The following GLIPR1L1 variants were observed in gnomAD, a reference collection of about 807,000 sequenced individuals.
GLIPR1L1 encodes GLIPR1-like protein 1.
A neutral mutation model predicts 29.9 loss-of-function variants in GLIPR1L1; 26 were observed. The ratio of observed to expected loss-of-function variants is 0.87; its 90% confidence interval spans 0.64 to 1.21. GLIPR1L1 has a LOEUF of 1.21. GLIPR1L1 is among the 50% of genes most tolerant of loss of function. The probability of loss-of-function intolerance (pLI) is 0.00; values close to 1 mark genes in which losing one functional copy is unlikely to be tolerated. For synonymous variants in GLIPR1L1, 77 were observed against 97.5 expected, an observed-to-expected ratio of 0.79 and a Z score of 1.24; for missense variants, 305 against 290.3, an observed-to-expected ratio of 1.05 and a Z score of -0.37.
intron 1 of GLIPR1L1, among the ~76,000 whole-genome samples, chr12:75,338,299 A>G (rs562356708): frequency 7.9e-5 from 12 of 152,276 alleles, no homozygotes; most frequent in African/African-American, 2.4e-4. Flanking sequence ...AAAATTAATC[A>G]ACATAATCAG....
At chr12:75,346,995 AC>A (rs2042496263) in intron 2 of GLIPR1L1, among the ~76,000 whole-genome samples, 4 of 151,744 alleles carry the variant, frequency 2.6e-5, no homozygotes, top group African/African-American at 9.7e-5. Flanking sequence ...AATGTTCCTC[AC>A]CTCTTTACCT....
chr12:75,366,912 A>G (rs1419638656), intron 4 of GLIPR1L1: 1 of 701,784 alleles, frequency 1.4e-6, no homozygotes, highest in African/African-American at 1.7e-5. Context: ...TGCATGTCAA[A>G]AGGGGTTAAC....
At chr12:75,337,584 TA>T (rs1273100288) in intron 1 of GLIPR1L1, among the ~76,000 whole-genome samples, 1 of 152,020 alleles carries the variant, frequency 6.6e-6, no homozygotes, top group Non-Finnish European at 1.5e-5. Context: ...TACTAGTGAA[TA>T]AGTGCATAAA....
At chr12:75,369,353 CT>C (rs1176659189) in intron 4 of GLIPR1L1, 1 of 179,330 alleles carries the variant, frequency 5.6e-6, no homozygotes, top group Non-Finnish European at 1.1e-5. Context: ...AGATTTTTCT[CT>C]CCTCATTTTT....
At chr12:75,362,378 T>C (rs776294889) in intron 3 of GLIPR1L1, among the ~76,000 whole-genome samples, 1 of 152,154 alleles carries the variant, frequency 6.6e-6, no homozygotes, top group Non-Finnish European at 1.5e-5. Flanking sequence ...GTGAGGGCCA[T>C]GGTATTCTCA....
At chr12:75,362,051 C>T (rs1395435755) in intron 3 of GLIPR1L1, among the ~76,000 whole-genome samples, 1 of 151,946 alleles carries the variant, frequency 6.6e-6, no homozygotes, top group African/African-American at 2.4e-5. Context: ...AACTACTATT[C>T]AAAGACACTG....
At chr12:75,345,252 A>G (rs1228602464) in intron 2 of GLIPR1L1, among the ~76,000 whole-genome samples, 1 of 152,106 alleles carries the variant, frequency 6.6e-6, no homozygotes, top group Non-Finnish European at 1.5e-5. Flanking sequence ...CAGGACAATT[A>G]TACAGTTTCT....
intron 4 of GLIPR1L1, among the ~76,000 whole-genome samples, chr12:75,364,000 CG>C (rs2043796338): frequency 6.6e-6 from 1 of 152,092 alleles, no homozygotes; most frequent in African/African-American, 2.4e-5. Flanking sequence ...TAAAGGCTTA[CG>C]ATCAATAGAA....
intron 3 of GLIPR1L1, among the ~76,000 whole-genome samples, chr12:75,348,405 T>C (rs1438457363): frequency 1.3e-5 from 2 of 152,228 alleles, no homozygotes; most frequent in East Asian, 3.8e-4. Context: ...TGTATATATC[T>C]CTCTGTATTT....
chr12:75,334,788 T>G lies in GLIPR1L1; in HGVS notation c.60T>G (p.Thr20=). 6.2e-7 allele frequency: 1 copy of G among 1,614,066 alleles called. No homozygotes were observed. Among genetic ancestry groups the G allele is most frequent in the Non-Finnish European group, 8.5e-7 (1 of 1,179,942 alleles). The stretch of plus-strand genomic sequence containing the variant: ...TCTTGGGTCTGTGTTTGGTAGCCAC[T>G]ACATCTTCCAAAATCCCATCCATCA... The part of the protein sequence containing the change: ...LWILGLCLVA[T]TSSKIPSITD... The change falls in exon 1 of 6, where the codon ACT becomes ACG. Residue 20 remains threonine, a synonymous_variant. Coordinates refer to ENST00000378695, the MANE Select transcript of GLIPR1L1 (RefSeq NM_001304964.2).
intron 4 of GLIPR1L1, among the ~76,000 whole-genome samples, chr12:75,363,853 C>T (rs565986709): frequency 6.6e-6 from 1 of 152,200 alleles, no homozygotes; most frequent in East Asian, 1.9e-4. Context: ...GAGACTAAGA[C>T]ATCAATCAAT....
At chr12:75,352,461 AATAT>A (rs2042879708) in intron 3 of GLIPR1L1, among the ~76,000 whole-genome samples, 1 of 152,370 alleles carries the variant, frequency 6.6e-6, no homozygotes, top group South Asian at 2.1e-4. Context: ...AACTGTCCTA[AATAT>A]ATATGCACCC....
intron 3 of GLIPR1L1, among the ~76,000 whole-genome samples, chr12:75,356,290 A>G (rs1456137670): frequency 6.6e-6 from 1 of 152,222 alleles, no homozygotes; most frequent in Non-Finnish European, 1.5e-5. Flanking sequence ...TTTTAAAAAT[A>G]AACATTAAAT....
Position 75,366,959 on chromosome 12 carries a change from G to A in GLIPR1L1, c.611-3001G>A, listed in dbSNP as rs756997907. 4.3e-6 allele frequency: 3 copies of A among 701,742 alleles called. No homozygotes were observed. In the South Asian group the frequency reaches 4.4e-5, roughly 10 times the overall value. The allele number at this position is 701,742 out of a possible 1,614,324, so 43.5% of individuals were successfully genotyped here. A position where few individuals can be genotyped will look rare whatever the true frequency, so the allele number is the denominator to read the frequency against. On this transcript the variant is annotated intron_variant, in intron 4 of 5. Coordinates refer to ENST00000378695, the MANE Select transcript of GLIPR1L1 (RefSeq NM_001304964.2). ...TCCCACTCAGTCCCCAGTCACCCAAGGGGCAGCTTGCAGCTTGCAGTAACA... is the reference window on the plus strand; with the variant it reads ...TCCCACTCAGTCCCCAGTCACCCAAAGGGCAGCTTGCAGCTTGCAGTAACA...
intron 1 of GLIPR1L1, among the ~76,000 whole-genome samples, chr12:75,336,446 A>G (rs1462095478): frequency 1.3e-5 from 2 of 151,834 alleles, no homozygotes; most frequent in Non-Finnish European, 3.0e-5. Context: ...TATCACAAAT[A>G]GATTAAAGTA....
chr12:75,341,314 G>C (rs1452687762), intron 1 of GLIPR1L1, among the ~76,000 whole-genome samples: 1 of 152,126 alleles, frequency 6.6e-6, no homozygotes, highest in Non-Finnish European at 1.5e-5. Flanking sequence ...ATATGACTTG[G>C]TCACTAAATG....
At chr12:75,340,882 C>T (rs1298881747) in intron 1 of GLIPR1L1, among the ~76,000 whole-genome samples, 2 of 151,820 alleles carry the variant, frequency 1.3e-5, no homozygotes, top group Non-Finnish European at 2.9e-5. Context: ...AAGGACATAT[C>T]ACGACACACC....
intron 1 of GLIPR1L1, among the ~76,000 whole-genome samples, chr12:75,339,738 T>G (rs2041978081): frequency 6.6e-6 from 1 of 152,210 alleles, no homozygotes; most frequent in South Asian, 2.1e-4. Flanking sequence ...ATTTAAGTCT[T>G]TAATCCATCT....
At position 75,370,441 on chromosome 12, in the gene GLIPR1L1, G is replaced by T; in HGVS notation, c.*265G>T. The stretch of plus-strand genomic sequence containing the variant: ...ACTCTTTAATTTTCTAATGAGAATG[G>T]ATTATCATTTTAGTTATAGTACATT... On this transcript the variant is annotated 3_prime_UTR_variant, in exon 6 of 6. Transcript: ENST00000378695. The T allele has an allele frequency of 3.9e-6, 1 of 258,096 alleles. No individual in the cohort carries two copies. The highest frequency in any genetic ancestry group is 7.4e-6 in the Non-Finnish European group (1 of 135,026). 16.0% of individuals were successfully genotyped at this position (258,096 alleles called of 1,614,324 possible).
Sources: allele counts gnomAD v4.1 joint callset (sites outside exome capture counted in the v4.1 genomes callset), GRCh38; gene constraint gnomAD v4.1.1; transcripts MANE v1.5; gene names NCBI Gene and HGNC (gene_info 2026-07-23, HGNC 2026-07-21).